The following GTF2E2 variants were observed in gnomAD, a reference collection of about 807,000 sequenced individuals.
The protein encoded by GTF2E2 is transcription initiation factor IIE subunit beta.
In GTF2E2, 21 loss-of-function variants were observed where a neutral mutation model predicts 40.5. That is an observed-to-expected ratio of 0.52 (90% confidence interval 0.37 to 0.75). The LOEUF is 0.75. Among genes scored for constraint, GTF2E2 ranks in the 30% least tolerant of loss-of-function variants. GTF2E2 has a pLI of 0.00. For synonymous variants in GTF2E2, 117 were observed against 121.6 expected, an observed-to-expected ratio of 0.96 and a Z score of 0.25; for missense variants, 298 against 338.4, an observed-to-expected ratio of 0.88 and a Z score of 0.94.
At chr8:30,627,047 C>G (rs1040768343) in intron 3 of GTF2E2, among the ~76,000 whole-genome samples, 1 of 152,034 alleles carries the variant, frequency 6.6e-6, no homozygotes, top group Admixed American at 6.6e-5. Flanking sequence ...AGAATCACAC[C>G]ACTGATGGGA....
rs531611458 is a variant in GTF2E2, at chr8:30,605,208, A to G, written c.643+1849T>C. On this transcript the variant is annotated intron_variant, in intron 6 of 7. Transcript: ENST00000355904. ...CATCTGCAGAGCAGACTTAACACTAAAATTCCCACTGAGAACATTTAAATA... is the reference window on the plus strand; with the variant it reads ...CATCTGCAGAGCAGACTTAACACTAGAATTCCCACTGAGAACATTTAAATA... 7.9e-5 allele frequency among the ~76,000 whole-genome samples: 12 copies of G among 152,250 alleles called. No individual in the cohort carries two copies. In the South Asian group the frequency reaches 1.0e-3, roughly 13 times the overall value.
intron 1 of GTF2E2, 57 bp from the exon 2 acceptor site, chr8:30,653,659 C>G (rs1802360255): frequency 8.2e-7 from 1 of 1,216,552 alleles, no homozygotes. Flanking sequence ...AACCTGCACT[C>G]CAAATCCACA....
intron 6 of GTF2E2, among the ~76,000 whole-genome samples, chr8:30,581,248 C>T (rs189715357): frequency 2.0e-4 from 30 of 152,290 alleles, no homozygotes; most frequent in East Asian, 1.5e-3. Context: ...AACTGCCCCA[C>T]GCACTGAGGG....
intron 2 of GTF2E2, among the ~76,000 whole-genome samples, chr8:30,649,038 T>G (rs1292800773): frequency 1.3e-5 from 2 of 152,190 alleles, no homozygotes; most frequent in African/African-American, 2.4e-5. Flanking sequence ...GGTCAAAGGC[T>G]CAAGTGGCTT....
intron 6 of GTF2E2, among the ~76,000 whole-genome samples, chr8:30,581,235 C>G (rs994271746): frequency 6.6e-6 from 1 of 152,180 alleles, no homozygotes; most frequent in Admixed American, 6.5e-5. Flanking sequence ...GCCTCACACT[C>G]ACAACTGCCC....
chr8:30,580,851 A>T (rs1471401089), intron 6 of GTF2E2, among the ~76,000 whole-genome samples: 3 of 152,208 alleles, frequency 2.0e-5, no homozygotes, highest in Middle Eastern at 3.2e-3. Flanking sequence ...TCTGCAAAAA[A>T]GACTTTTGAA....
At chr8:30,580,023 G>C (rs1828468017) in intron 7 of GTF2E2, among the ~76,000 whole-genome samples, 1 of 152,170 alleles carries the variant, frequency 6.6e-6, no homozygotes, top group Admixed American at 6.5e-5. Flanking sequence ...GGAACACACA[G>C]GCCCTGGAAG....
chr8:30,616,725 A>C (rs546431253), intron 3 of GTF2E2, among the ~76,000 whole-genome samples: 7 of 152,090 alleles, frequency 4.6e-5, no homozygotes, highest in Non-Finnish European at 8.8e-5. Flanking sequence ...TTGATAGTGG[A>C]GGAAGCTGTG....
chr8:30,617,236 C>G (rs899554000), intron 3 of GTF2E2, among the ~76,000 whole-genome samples: 12 of 152,190 alleles, frequency 7.9e-5, no homozygotes, highest in Admixed American at 7.9e-4. Flanking sequence ...AAGGTACAGA[C>G]AGCAGATAGA....
intron 6 of GTF2E2, among the ~76,000 whole-genome samples, chr8:30,604,310 A>G (rs1227607110): frequency 6.6e-6 from 1 of 152,186 alleles, no homozygotes; most frequent in Non-Finnish European, 1.5e-5. Flanking sequence ...AAATATTAAG[A>G]AACCTAGCAG....
At chr8:30,599,185 AAT>A (rs909357430) in intron 6 of GTF2E2, among the ~76,000 whole-genome samples, 1 of 152,204 alleles carries the variant, frequency 6.6e-6, no homozygotes, top group African/African-American at 2.4e-5. Flanking sequence ...TATTTTCAAA[AAT>A]ATGTCTATCT....
rs549388267 is a variant in GTF2E2, at chr8:30,639,152, TTTTGC to T, written c.167-4034_167-4030del. 1.2e-4 allele frequency among the ~76,000 whole-genome samples: 19 copies of T among 152,284 alleles called. No homozygotes were observed. In the South Asian group the frequency reaches 3.9e-3, roughly 32 times the overall value. On this transcript the variant is annotated intron_variant, in intron 2 of 7. Coordinates refer to ENST00000355904, the MANE Select transcript of GTF2E2 (RefSeq NM_002095.6). ...AGAAAATAGTTCAAAATTATTTTTA[TTTTGC>T]TTTGAATGTAGATGCAGAGAATGCC... is the stretch of plus-strand genomic sequence containing the variant.
intron 1 of GTF2E2, chr8:30,656,827 A>AG (rs71206268): frequency 1.3e-5 from 2 of 150,760 alleles, no homozygotes; most frequent in East Asian, 1.9e-4. Flanking sequence ...AAAAAAAAAA[A>AG]GTAAATAAAG....
chr8:30,647,855 C>G (rs1387979509), intron 2 of GTF2E2, among the ~76,000 whole-genome samples: 1 of 152,112 alleles, frequency 6.6e-6, no homozygotes, highest in African/African-American at 2.4e-5. Flanking sequence ...CCAACTTTCT[C>G]CCCCACCCTA....
intron 6 of GTF2E2, among the ~76,000 whole-genome samples, chr8:30,602,725 G>A (rs1048663241): frequency 6.3e-5 from 9 of 143,918 alleles, no homozygotes; most frequent in African/African-American, 2.6e-5. Context: ...TTGCACTCCA[G>A]CCTGGGCAAC....
intron 2 of GTF2E2, among the ~76,000 whole-genome samples, chr8:30,651,847 G>A (rs1273823062): frequency 2.0e-5 from 3 of 152,142 alleles, no homozygotes; most frequent in African/African-American, 7.2e-5. Context: ...CAGCACTCAA[G>A]AGAAATGATA....
At chr8:30,618,141 C>CA (rs1800978467) in intron 3 of GTF2E2, among the ~76,000 whole-genome samples, 1 of 151,976 alleles carries the variant, frequency 6.6e-6, no homozygotes, top group East Asian at 1.9e-4. Context: ...ATTAAAAATA[C>CA]AAAAAATTAG....
In GTF2E2 at chr8:30,653,584, C is replaced by G; in HGVS notation, c.15G>C (p.Leu5=). Residue 5 remains leucine (L), a synonymous_variant, in exon 2 of 8, where the codon CTG becomes CTC. Coordinates refer to ENST00000355904, the MANE Select transcript of GTF2E2 (RefSeq NM_002095.6). MDPS[L]LRERELFKKR... ...TTTTGAACAGCTCCCTTTCTCTCAA[C>G]AGGCTTGGATCCATAATGCTACAAA... is the stretch of plus-strand genomic sequence containing the variant. 1.9e-6 allele frequency: 3 copies of G among 1,612,910 alleles called. No individual in the cohort carries two copies. In the South Asian group the frequency reaches 3.3e-5, roughly 18 times the overall value.
At chr8:30,591,228 A>G (rs969604712) in intron 6 of GTF2E2, among the ~76,000 whole-genome samples, 14 of 152,222 alleles carry the variant, frequency 9.2e-5, no homozygotes, top group African/African-American at 2.4e-5. Flanking sequence ...GTTCACACCT[A>G]TAATTCCAGC....
Sources: allele counts gnomAD v4.1 joint callset (sites outside exome capture counted in the v4.1 genomes callset), GRCh38; gene constraint gnomAD v4.1.1; transcripts MANE v1.5; gene names NCBI Gene and HGNC (gene_info 2026-07-23, HGNC 2026-07-21).